The following PDGFA variants were observed in gnomAD, a reference collection of about 807,000 sequenced individuals.
The protein encoded by PDGFA is platelet derived growth factor subunit A, also known as platelet-derived growth factor subunit A.
PDGFA carries 9 observed loss-of-function variants against 25.6 expected under a neutral mutation model. The observed-to-expected ratio is 0.35, with a 90% CI of 0.21 to 0.61. PDGFA has a LOEUF of 0.61. PDGFA is among the 20% of genes least tolerant of loss of function. The pLI, the probability that PDGFA is intolerant of heterozygous loss-of-function variation, is 0.75. For missense variants in PDGFA, 242 were observed against 272.8 expected (o/e 0.89, Z 0.79); for synonymous variants, 133 against 111.8 (o/e 1.19, Z -1.20).
At chr7:512,289 G>C in intron 3 of PDGFA, 62 bp downstream of exon 3, 2 of 1,470,616 alleles carry the variant, frequency 1.4e-6, no homozygotes, top group Non-Finnish European at 1.9e-6. Context: ...CCTGCCCATC[G>C]CGGCCTCCTG....
Position 500,598 on chromosome 7 carries a change from G to A in PDGFA, c.580+518C>T, listed in dbSNP as rs1782287118. On this transcript the variant is annotated intron_variant, in intron 5 of 5. Transcript: ENST00000402802. This position sits in a 1 kb window ranked among gnomAD's most constrained non-coding sequence, Gnocchi z 5.0. ...CCTACGGCATTTGTTTATCTTTCCA[G>A]AAGAGAAGGCCAGCACCCTGGCACC... is the stretch of plus-strand genomic sequence containing the variant. The A allele has an allele frequency of 4.4e-6, 7 of 1,588,236 alleles. No individual in the cohort carries two copies. The highest frequency in any genetic ancestry group is 4.5e-5 in the East Asian group (2 of 44,308).
chr7:511,108 C>A, intron 3 of PDGFA, 112 bp from the exon 4 acceptor site: 1 of 778,700 alleles, frequency 1.3e-6, no homozygotes, highest in Non-Finnish European at 2.1e-6. Context: ...AAGCCACAGG[C>A]CAGGATTCCT....
chr7:500,632 T>A lies in PDGFA; in HGVS notation c.580+484A>T. 1 of 1,498,702 alleles carries A rather than the reference T, an allele frequency of 6.7e-7. No homozygotes were observed. The highest frequency in any genetic ancestry group is 8.9e-7 in the Non-Finnish European group (1 of 1,129,422). The allele number at this position is 1,498,702 out of a possible 1,614,324, so 92.8% of individuals were successfully genotyped here. On this transcript the variant is annotated intron_variant, in intron 5 of 5. Transcript: ENST00000402802. This position sits in a 1 kb window ranked among gnomAD's most constrained non-coding sequence, Gnocchi z 5.0. ...GCCAGCACCCTGGCACCGAGAAACTTCTGAGTCCCCTCATGCTCCCAGGGC... is the reference window on the plus strand; with the variant it reads ...GCCAGCACCCTGGCACCGAGAAACTACTGAGTCCCCTCATGCTCCCAGGGC...
chr7:514,467 A>C (rs1782998462), intron 2 of PDGFA, among the ~76,000 whole-genome samples: 1 of 152,300 alleles, frequency 6.6e-6, no homozygotes, highest in African/African-American at 2.4e-5. Flanking sequence ...AGAGTGGACC[A>C]CGCTCACCAA....
rs1226327199 is a variant in PDGFA at position 519,174 on chromosome 7, C to A, written c.-173G>T. ...GCGCGCCCGGCGCGAGCAGTGAGTG[C>A]GGAGAGGCAGGCAGCGCCAGCCAGG... On this transcript the variant is annotated 5_prime_UTR_variant, in exon 1 of 6. Coordinates refer to ENST00000402802, the Ensembl canonical transcript of PDGFA. 7.5e-6 allele frequency: 3 copies of A among 399,380 alleles called. No individual in the cohort carries two copies. The East Asian group carries it at 1.4e-4, about 18-fold the overall frequency. 24.7% of individuals were successfully genotyped at this position (399,380 alleles called of 1,614,324 possible).
At chr7:504,004 CAG>C (rs1019494466) in intron 4 of PDGFA, among the ~76,000 whole-genome samples, 2 of 152,172 alleles carry the variant, frequency 1.3e-5, no homozygotes, top group African/African-American at 4.8e-5. Context: ...CAGAATCCTC[CAG>C]AGAGAGGCCT....
At chr7:502,000 G>C (rs965571890) in intron 4 of PDGFA, among the ~76,000 whole-genome samples, 1 of 152,170 alleles carries the variant, frequency 6.6e-6, no homozygotes, top group Admixed American at 6.5e-5. Context: ...CAAGGCGGGA[G>C]GATCACTTAA....
rs1054775346 is a variant in PDGFA at position 498,645 on chromosome 7, C to A, written c.581-71G>T. 3.5e-6 allele frequency: 5 copies of A among 1,435,804 alleles called. No homozygotes were observed. In the African/African-American group the frequency reaches 5.6e-5, roughly 16 times the overall value. The allele number at this position is 1,435,804 out of a possible 1,614,324, so 88.9% of individuals were successfully genotyped here. On this transcript the variant is annotated intron_variant, in intron 5 of 5. Transcript: ENST00000402802. ...GAACCACCCAGCACACACATGGCTG[C>A]ATAGGAGGAAAACAGGGTGAAAACA...
chr7:500,298 A>G lies in PDGFA; in HGVS notation c.580+818T>C. ...GGGAGCAAGGAGACCCAAGCCCAGC[A>G]GACACCATCAAGGCCAATCAGGGCC... On this transcript the variant is annotated intron_variant, in intron 5 of 5. Transcript: ENST00000402802. The surrounding 1 kb of genome is among the most constrained non-coding windows in gnomAD (Gnocchi z 5.0). The G allele has an allele frequency of 1.0e-6, 1 of 957,036 alleles. No individual in the cohort carries two copies. The highest frequency in any genetic ancestry group is 1.6e-6 in the Non-Finnish European group (1 of 623,458). 59.3% of individuals were successfully genotyped at this position (957,036 alleles called of 1,614,324 possible).
chr7:497,959 C>CAAAAAAAAAAAAAAACA (rs1166606050), exon 6 of PDGFA: 1 of 56,688 alleles, frequency 1.8e-5, no homozygotes, highest in Non-Finnish European at 3.0e-5. Flanking sequence ...AAAAAAAAAA[C>CAAAAAAAAAAAAAAACA]AAAAAAAAAA....
At chr7:512,919 C>T (rs375835669) in intron 2 of PDGFA, 26 of 244,680 alleles carry the variant, frequency 1.1e-4, no homozygotes, top group African/African-American at 1.5e-4. Flanking sequence ...AAGCAGAGGC[C>T]GCTGAGATTT....
At position 507,017 on chromosome 7, in the gene PDGFA, C is replaced by T. The variant is rs150814023; in HGVS notation, c.453+3792G>A. ...CCTCAGCTGACCCCATCCATGCCCA[C>T]TCACAGGCACAGAGTCTGAGGCTCT... On this transcript the variant is annotated intron_variant, in intron 4 of 5. Coordinates refer to ENST00000402802, the Ensembl canonical transcript of PDGFA. Among the ~76,000 whole-genome samples the T allele has an allele frequency of 3.5e-3, 536 of 152,348 alleles. 3 individuals are homozygous for T. Among genetic ancestry groups the T allele is most frequent in the African/African-American group, 0.012 (509 of 41,582 alleles).
chr7:501,156 C>G (rs149744268), exon 5 of PDGFA: 1 of 1,614,228 alleles, frequency 6.2e-7, no homozygotes, highest in Non-Finnish European at 8.5e-7. Context: ...GGCTTGTGGT[C>G]GCGCAGGCGC....
exon 1 of PDGFA, chr7:519,129 G>A (rs1250681905): frequency 1.3e-5 from 8 of 635,204 alleles, no homozygotes; most frequent in Non-Finnish European, 2.0e-5. Context: ...GGGTGGCGCG[G>A]GGAGCACGGA....
Position 516,558 on chromosome 7 carries a change from T to C in PDGFA, c.160+836A>G, listed in dbSNP as rs542683905. On this transcript the variant is annotated intron_variant, in intron 2 of 5. Coordinates refer to ENST00000402802, the Ensembl canonical transcript of PDGFA. ...GAGTTCCCAGGCCGAGTGCTCATTT[T>C]GAAAAGAGCGCCACGCACGCCTGGA... is the stretch of plus-strand genomic sequence containing the variant. Among the ~76,000 whole-genome samples, 178 of 152,314 alleles carry C rather than the reference T, an allele frequency of 1.2e-3. 1 individual carries two copies. Among genetic ancestry groups the C allele is most frequent in the African/African-American group, 4.1e-3 (170 of 41,590 alleles).
exon 1 of PDGFA, chr7:519,147 G>A: frequency 3.7e-6 from 2 of 545,094 alleles, no homozygotes; most frequent in Non-Finnish European, 6.2e-6. Context: ...GGAGCTGGCG[G>A]AGCGCGCCCG....
chr7:508,586 A>AAAAAAAAAAAAAC (rs1782668868), intron 4 of PDGFA, among the ~76,000 whole-genome samples: 1 of 149,570 alleles, frequency 6.7e-6, no homozygotes, highest in Non-Finnish European at 1.5e-5. Flanking sequence ...AAAAAAAAAA[A>AAAAAAAAAAAAAC]AATTCTCAGC....
chr7:512,241 G>T lies in PDGFA; in HGVS notation c.265+110C>A, dbSNP rs779747893. On this transcript the variant is annotated intron_variant, in intron 3 of 5. Coordinates refer to ENST00000402802, the Ensembl canonical transcript of PDGFA. Reference sequence around the variant, plus strand: ...CGGGTGGCTTGCCTGAGGCCACTGCGCTGGGAGAGCGGGCAGCTCCTCCCC... The same window carrying T: ...CGGGTGGCTTGCCTGAGGCCACTGCTCTGGGAGAGCGGGCAGCTCCTCCCC... The T allele has an allele frequency of 1.5e-5, 16 of 1,048,466 alleles. No homozygotes were observed. In the African/African-American group the frequency reaches 2.1e-4, roughly 13 times the overall value. 64.9% of individuals were successfully genotyped at this position (1,048,466 alleles called of 1,614,324 possible). A position where few individuals can be genotyped will look rare whatever the true frequency, so the allele number is the denominator to read the frequency against.
At chr7:503,612 G>A (rs1405639174) in intron 4 of PDGFA, among the ~76,000 whole-genome samples, 7 of 152,214 alleles carry the variant, frequency 4.6e-5, no homozygotes, top group Admixed American at 1.3e-4. Flanking sequence ...AGGGCCCCCA[G>A]GGAGAAGGTC....
Sources: allele counts gnomAD v4.1 joint callset (sites outside exome capture counted in the v4.1 genomes callset), GRCh38; gene constraint gnomAD v4.1.1; non-coding constraint Gnocchi (gnomAD v3.1); transcripts MANE v1.5; gene names NCBI Gene and HGNC (gene_info 2026-07-23, HGNC 2026-07-21).